SLCO1B3: variants seen among roughly 807,000 people sequenced by gnomAD.
SLCO1B3 encodes liver-specific organic anion transporter 2.
SLCO1B3 carries 72 observed loss-of-function variants against 71.8 expected under a neutral mutation model. The observed-to-expected ratio is 1.00, with a 90% CI of 0.83 to 1.22. The LOEUF is 1.22. Among genes scored for constraint, SLCO1B3 ranks in the 50% most tolerant of loss-of-function variants. The pLI is 0.00. For missense variants in SLCO1B3, 911 were observed against 819.7 expected, an observed-to-expected ratio of 1.11 and a Z score of -1.36; for synonymous variants, 298 against 278.4, an observed-to-expected ratio of 1.07 and a Z score of -0.70.
intron 3 of SLCO1B3, among the ~76,000 whole-genome samples, chr12:20,850,674 G>A (rs1395808178): frequency 6.6e-6 from 1 of 152,040 alleles, no homozygotes; most frequent in Non-Finnish European, 1.5e-5. Flanking sequence ...CCACCCTCAG[G>A]TAGCCACAAT....
At chr12:20,857,567 T>C (rs1428675275) in intron 4 of SLCO1B3, among the ~76,000 whole-genome samples, 8 of 152,066 alleles carry the variant, frequency 5.3e-5, no homozygotes, top group Admixed American at 2.0e-4. Context: ...TGTTGTCTTA[T>C]TATTTTTAGT....
chr12:20,845,277 C>T (rs1252579956), intron 3 of SLCO1B3: 3 of 385,488 alleles, frequency 7.8e-6, no homozygotes, highest in Non-Finnish European at 1.0e-5. Flanking sequence ...AAAGAGCAGC[C>T]CCAGTTAGTG....
rs1016245316 is a variant in SLCO1B3, at chr12:20,873,640, G to A, written c.728-1595G>A. On this transcript the variant is annotated intron_variant, in intron 8 of 15. Coordinates refer to ENST00000381545, the MANE Select transcript of SLCO1B3 (RefSeq NM_019844.4). ...TTACTTTAAGTTCCAGGATACATGT[G>A]CAGAATGTACAGGTTTGTTACATAG... 1.6e-4 allele frequency among the ~76,000 whole-genome samples: 24 copies of A among 152,306 alleles called. No homozygotes were observed. In the Middle Eastern group the frequency reaches 0.01, roughly 65 times the overall value.
At chr12:20,875,884 A>AC (rs1238902816) in intron 9 of SLCO1B3, among the ~76,000 whole-genome samples, 1 of 151,866 alleles carries the variant, frequency 6.6e-6, no homozygotes, top group Non-Finnish European at 1.5e-5. Context: ...TTTTTTGAGA[A>AC]CCTGGTGGAT....
At chr12:20,859,765 G>C (rs1366038863) in intron 5 of SLCO1B3, among the ~76,000 whole-genome samples, 1 of 151,874 alleles carries the variant, frequency 6.6e-6, no homozygotes, top group African/African-American at 2.4e-5. Flanking sequence ...CCACATTCTA[G>C]GCTTACAGTT....
chr12:20,894,243 C>A (rs1865957234), intron 13 of SLCO1B3, among the ~76,000 whole-genome samples: 1 of 152,132 alleles, frequency 6.6e-6, no homozygotes, highest in Non-Finnish European at 1.5e-5. Flanking sequence ...TGCTCAATAT[C>A]ATATGTAAAG....
At chr12:20,812,256 A>G (rs1864121535) in intron 1 of SLCO1B3, among the ~76,000 whole-genome samples, 1 of 152,108 alleles carries the variant, frequency 6.6e-6, no homozygotes, top group South Asian at 2.1e-4. Flanking sequence ...AAGTGCCCAC[A>G]TTTCTTATTT....
intron 3 of SLCO1B3, among the ~76,000 whole-genome samples, chr12:20,844,065 AT>A (rs1423393931): frequency 6.6e-6 from 1 of 151,844 alleles, no homozygotes; most frequent in Non-Finnish European, 1.5e-5. Context: ...GGAATTCATT[AT>A]TAAGTTATTG....
intron 2 of SLCO1B3, among the ~76,000 whole-genome samples, chr12:20,814,157 A>G (rs913988074): frequency 6.6e-6 from 1 of 152,186 alleles, no homozygotes; most frequent in African/African-American, 2.4e-5. Context: ...TGTTATGCAT[A>G]TATGTATGAA....
chr12:20,873,830 A>G (rs1041912714), intron 8 of SLCO1B3, among the ~76,000 whole-genome samples: 1 of 152,014 alleles, frequency 6.6e-6, no homozygotes, highest in East Asian at 1.9e-4. Context: ...CTCAGTGTTC[A>G]GCTCCTTCTT....
intron 2 of SLCO1B3, among the ~76,000 whole-genome samples, chr12:20,814,981 C>CT (rs71039997): frequency 0.15 from 13,508 of 89,158 alleles, 902 homozygotes; most frequent in Middle Eastern, 0.29. Context: ...CTTTTCTTTT[C>CT]TTTTTTTTTT....
chr12:20,870,216 G>C (rs1865451770), intron 8 of SLCO1B3, among the ~76,000 whole-genome samples: 1 of 151,886 alleles, frequency 6.6e-6, no homozygotes, highest in Non-Finnish European at 1.5e-5. Context: ...GGAATTTTTT[G>C]TACATTTTAG....
intron 1 of SLCO1B3, among the ~76,000 whole-genome samples, chr12:20,811,196 G>A (rs1864105270): frequency 6.6e-6 from 1 of 152,054 alleles, no homozygotes; most frequent in Admixed American, 6.6e-5. Flanking sequence ...CGGGTGGAGG[G>A]GTGGAAAATA....
rs780510301 is a variant in SLCO1B3 at position 20,877,748 on chromosome 12, TA to T, written c.971-23del. 65 of 1,084,490 alleles carry T rather than the reference TA, an allele frequency of 6.0e-5. No homozygotes were observed. The African/African-American group carries it at 1.0e-3, about 17-fold the overall frequency. 67.2% of individuals were successfully genotyped at this position (1,084,490 alleles called of 1,614,324 possible). ...ATTAATATATATTTTATTATTGAAA[TA>T]TGTTATTTTTATAACTCTATAGGTT... On this transcript the variant is annotated intron_variant, in intron 9 of 15. Coordinates refer to ENST00000381545, the MANE Select transcript of SLCO1B3 (RefSeq NM_019844.4).
rs183485936 is a variant in SLCO1B3, at chr12:20,822,874, A to G, written c.84+7052A>G. Among the ~76,000 whole-genome samples, 5 of 152,180 alleles carry G rather than the reference A, an allele frequency of 3.3e-5. No homozygotes were observed. The East Asian group carries it at 9.7e-4, about 29-fold the overall frequency. Reference sequence around the variant, plus strand: ...TATGTCATAGTGAATTGGGGTCTCAAGTTTTTATTTTCCTTTCATACCCCT... The same window carrying G: ...TATGTCATAGTGAATTGGGGTCTCAGGTTTTTATTTTCCTTTCATACCCCT... On this transcript the variant is annotated intron_variant, in intron 3 of 15. Transcript: ENST00000381545.
At chr12:20,843,899 A>G (rs1260944293) in intron 3 of SLCO1B3, among the ~76,000 whole-genome samples, 1 of 115,396 alleles carries the variant, frequency 8.7e-6, no homozygotes, top group Non-Finnish European at 2.0e-5. Flanking sequence ...TCTTATCTAA[A>G]CTTTCTCCAT....
chr12:20,911,362 C>A (rs1055566484), intron 15 of SLCO1B3, among the ~76,000 whole-genome samples: 1 of 152,088 alleles, frequency 6.6e-6, no homozygotes, highest in Non-Finnish European at 1.5e-5. Context: ...TTTTTGAGAA[C>A]TTCTGCACCT....
At chr12:20,833,127 A>G (rs12824927) in intron 3 of SLCO1B3, among the ~76,000 whole-genome samples, 15,473 of 152,156 alleles carry the variant, frequency 0.1, 1,054 homozygotes, top group Middle Eastern at 0.17. Context: ...CCGTGTTCAA[A>G]GCTAGTGAAG....
intron 1 of SLCO1B3, among the ~76,000 whole-genome samples, chr12:20,812,822 A>G (rs1864131031): frequency 6.6e-6 from 1 of 152,198 alleles, no homozygotes; most frequent in Non-Finnish European, 1.5e-5. Flanking sequence ...GTATAAAGAA[A>G]AAGAAAACTC....
Sources: gnomAD v4.1 joint callset for allele counts (sites outside exome capture counted in the v4.1 genomes callset) on GRCh38, gnomAD v4.1.1 for gene constraint, MANE v1.5 for transcripts, NCBI Gene and HGNC (gene_info 2026-07-23, HGNC 2026-07-21) for gene names.